The following CDC42EP2 variants were observed in gnomAD, a reference collection of about 807,000 sequenced individuals.
CDC42EP2 encodes CDC42 effector protein 2, also known as CDC42 effector protein (Rho GTPase binding) 2.
Under a neutral mutation model 7.3 loss-of-function variants are expected in CDC42EP2, and 5 were observed. The observed-to-expected ratio is 0.68, with a 90% CI of 0.36 to 1.44. The LOEUF (loss-of-function observed/expected upper bound fraction) is 1.44, where lower values mean the gene tolerates loss of function less well. CDC42EP2 is among the 40% of genes most tolerant of loss of function. The pLI, the probability that CDC42EP2 is intolerant of heterozygous loss-of-function variation, is 0.04. For synonymous variants in CDC42EP2, 113 were observed against 123.6 expected (o/e 0.91, Z 0.57); for missense variants, 251 against 282.6 (o/e 0.89, Z 0.80).
In CDC42EP2 at chr11:65,315,515, G is replaced by C. The variant is rs2137651774; in HGVS notation, c.-356+561G>C. Among the ~76,000 whole-genome samples, 1 of 152,362 alleles carries C rather than the reference G, an allele frequency of 6.6e-6. No individual in the cohort carries two copies. The highest frequency in any genetic ancestry group is 2.1e-4 in the South Asian group (1 of 4,830). ...CCAGGCCGGAAAGCACAGGGGGGAG[G>C]CTCCTCCCAGAGCTTGGAGACTAGG... On this transcript the variant is annotated intron_variant, in intron 1 of 1. Coordinates refer to ENST00000279249, the MANE Select transcript of CDC42EP2 (RefSeq NM_006779.4). This position sits in a 1 kb window ranked among gnomAD's most constrained non-coding sequence, Gnocchi z 4.1.
rs565029628 is a variant in CDC42EP2 at position 65,320,939 on chromosome 11, G to T, written c.41G>T (p.Arg14Leu). The change falls in exon 2 of 2, where the codon CGC becomes CTC. Residue 14 changes from arginine (R) to leucine (L), a missense_variant. Physicochemically the swap from Arg to Leu is moderately radical, Grantham distance 102. Transcript: ENST00000279249. The part of the protein sequence containing the change: ...KVPIYLKRGS[R>L]KGKKEKLRDL... The stretch of plus-strand genomic sequence containing the variant: ...CCCATCTATCTGAAGCGTGGCAGTC[G>T]CAAGGGCAAGAAGGAGAAGCTTCGG... 19 of 1,609,626 alleles carry T rather than the reference G, an allele frequency of 1.2e-5. No homozygotes were observed. The highest frequency in any genetic ancestry group is 7.7e-6 in the Non-Finnish European group (9 of 1,176,448).
chr11:65,318,812 C>T (rs749745673), intron 1 of CDC42EP2, among the ~76,000 whole-genome samples: 4 of 149,538 alleles, frequency 2.7e-5, no homozygotes, highest in African/African-American at 5.0e-5. Flanking sequence ...TCAGGTGATC[C>T]GCCCACCTCG....
chr11:65,318,797 T>G (rs1949960050), intron 1 of CDC42EP2, among the ~76,000 whole-genome samples: 1 of 146,330 alleles, frequency 6.8e-6, no homozygotes, highest in African/African-American at 2.5e-5. Context: ...CTCGAACTCC[T>G]GATCTCAGGT....
intron 1 of CDC42EP2, among the ~76,000 whole-genome samples, chr11:65,316,365 T>C (rs1336101306): frequency 6.6e-6 from 1 of 152,100 alleles, no homozygotes; most frequent in African/African-American, 2.4e-5. Flanking sequence ...CCCACAGCCC[T>C]GTCCTGATGG....
chr11:65,315,584 G>A lies in CDC42EP2; in HGVS notation c.-356+630G>A, dbSNP rs993470564. ...CCCTTTTTCCCCGATTGTGGGACCAGAAACCCCGAAGCAAAAAGATCTCGC... is the reference window on the plus strand; with the variant it reads ...CCCTTTTTCCCCGATTGTGGGACCAAAAACCCCGAAGCAAAAAGATCTCGC... On this transcript the variant is annotated intron_variant, in intron 1 of 1. Coordinates refer to ENST00000279249, the MANE Select transcript of CDC42EP2 (RefSeq NM_006779.4). The surrounding 1 kb of genome is among the most constrained non-coding windows in gnomAD (Gnocchi z 4.1). Among the ~76,000 whole-genome samples, 3 of 152,258 alleles carry A rather than the reference G, an allele frequency of 2.0e-5. No homozygotes were observed. Among genetic ancestry groups the A allele is most frequent in the Non-Finnish European group, 4.4e-5 (3 of 68,038 alleles).
rs1007091858 is a variant in CDC42EP2, at chr11:65,321,317, C to G, written c.419C>G (p.Pro140Arg). 7 of 1,613,900 alleles carry G rather than the reference C, an allele frequency of 4.3e-6. No homozygotes were observed. The African/African-American group carries it at 8.0e-5, about 18-fold the overall frequency. The change falls in exon 2 of 2, where the codon CCT (proline) becomes CGT (arginine). Residue 140 changes from proline (P) to arginine (R), a missense_variant. Coordinates refer to ENST00000279249, the MANE Select transcript of CDC42EP2 (RefSeq NM_006779.4). The surrounding 1 kb of genome is among the most constrained non-coding windows in gnomAD (Gnocchi z 4.4). ...PPRLHLETPQ[P>R]SPQEGGSVDI... Reference sequence around the variant, plus strand: ...CGCCTGCACCTGGAGACCCCTCAGCCTTCCCCACAGGAGGGAGGGAGTGTG... The same window carrying G: ...CGCCTGCACCTGGAGACCCCTCAGCGTTCCCCACAGGAGGGAGGGAGTGTG...
At position 65,320,769 on chromosome 11, in the gene CDC42EP2, C is replaced by G. The variant is rs1258482855; in HGVS notation, c.-130C>G. 1.1e-6 allele frequency: 1 copy of G among 903,124 alleles called. No individual in the cohort carries two copies. The allele number at this position is 903,124 out of a possible 1,614,324, so 55.9% of individuals were successfully genotyped here. Reference sequence around the variant, plus strand: ...TGCCCCCACACTGTAGCCAGAAGCCCGTTGGCGAGCTCTGGCACCTGCAAA... The same window carrying G: ...TGCCCCCACACTGTAGCCAGAAGCCGGTTGGCGAGCTCTGGCACCTGCAAA... On this transcript the variant is annotated 5_prime_UTR_variant, in exon 2 of 2. Coordinates refer to ENST00000279249, the MANE Select transcript of CDC42EP2 (RefSeq NM_006779.4).
chr11:65,321,487 CA>C lies in CDC42EP2; in HGVS notation c.590del (p.Gln197ArgfsTer55). ...GCCTTCCATCCTGGATGATGTCCTG[CA>C]GATCATGGATCAGGACCTGGACAGC... ...LGPSILDDVL[Q>X]IMDQDLDSMQ... On this transcript the variant is annotated frameshift_variant, in exon 2 of 2. Transcript: ENST00000279249. LOFTEE classifies it high-confidence loss of function. This position sits in a 1 kb window ranked among gnomAD's most constrained non-coding sequence, Gnocchi z 4.4. 6.2e-7 allele frequency: 1 copy of C among 1,613,546 alleles called. No homozygotes were observed. Among genetic ancestry groups the C allele is most frequent in the Non-Finnish European group, 8.5e-7 (1 of 1,179,894 alleles).
chr11:65,316,084 A>G (rs1949946747), intron 1 of CDC42EP2, among the ~76,000 whole-genome samples: 1 of 152,078 alleles, frequency 6.6e-6, no homozygotes, highest in Non-Finnish European at 1.5e-5. Context: ...AGCCCATTTT[A>G]TAGATGGGAA....
rs774202603 is a variant in CDC42EP2, at chr11:65,321,083, T to G, written c.185T>G (p.Phe62Cys). 6.2e-7 allele frequency: 1 copy of G among 1,613,988 alleles called. No homozygotes were observed. Among genetic ancestry groups the G allele is most frequent in the Non-Finnish European group, 8.5e-7 (1 of 1,180,008 alleles). Residue 62 changes from phenylalanine (F) to cysteine (C), a missense_variant, in exon 2 of 2, where the codon TTC becomes TGC. Phe to Cys is a radical substitution (Grantham distance 205). Coordinates refer to ENST00000279249, the MANE Select transcript of CDC42EP2 (RefSeq NM_006779.4). This position sits in a 1 kb window ranked among gnomAD's most constrained non-coding sequence, Gnocchi z 4.4. ...GACATCTCCTTCCTGCAGGGCAAGTTCCACCTCCTGCCGGGGACCATGGTG... is the reference window on the plus strand; with the variant it reads ...GACATCTCCTTCCTGCAGGGCAAGTGCCACCTCCTGCCGGGGACCATGGTG... Reference protein sequence around the residue: ...FGDISFLQGKFHLLPGTMVEG... With the variant: ...FGDISFLQGKCHLLPGTMVEG...
intron 1 of CDC42EP2, among the ~76,000 whole-genome samples, chr11:65,318,104 T>A (rs1450635752): frequency 2.0e-5 from 3 of 152,024 alleles, no homozygotes; most frequent in Non-Finnish European, 2.9e-5. Context: ...TAATTTTTTT[T>A]ATTTTTTTTG....
chr11:65,316,799 T>C (rs1949950166), intron 1 of CDC42EP2, among the ~76,000 whole-genome samples: 1 of 152,202 alleles, frequency 6.6e-6, no homozygotes, highest in African/African-American at 2.4e-5. Context: ...GGGCCGCTGA[T>C]GCTGGCCTCA....
chr11:65,322,220 C>G lies in CDC42EP2; in HGVS notation c.*689C>G, dbSNP rs574760009. 1 of 166,980 alleles carries G rather than the reference C, an allele frequency of 6.0e-6. No homozygotes were observed. Among genetic ancestry groups the G allele is most frequent in the Non-Finnish European group, 1.5e-5 (1 of 68,152 alleles). 10.3% of individuals were successfully genotyped at this position (166,980 alleles called of 1,614,324 possible). A position where few individuals can be genotyped will look rare whatever the true frequency, so the allele number is the denominator to read the frequency against. On this transcript the variant is annotated 3_prime_UTR_variant, in exon 2 of 2. Coordinates refer to ENST00000279249, the MANE Select transcript of CDC42EP2 (RefSeq NM_006779.4). Reference sequence around the variant, plus strand: ...GGAGGACAGGCCTTGCCCTCAAGAACGTCGTACCTGACGCTGAGCCTGTCA... The same window carrying G: ...GGAGGACAGGCCTTGCCCTCAAGAAGGTCGTACCTGACGCTGAGCCTGTCA...
At chr11:65,320,194 C>T (rs1403692469) in intron 1 of CDC42EP2, among the ~76,000 whole-genome samples, 4 of 152,108 alleles carry the variant, frequency 2.6e-5, no homozygotes, top group African/African-American at 7.2e-5. Context: ...TGGCCAGGCA[C>T]GGTGGCTCAC....
intron 1 of CDC42EP2, among the ~76,000 whole-genome samples, chr11:65,318,033 G>C (rs1299099611): frequency 6.6e-6 from 1 of 150,926 alleles, no homozygotes; most frequent in East Asian, 1.9e-4. Context: ...AGTCAAGGTA[G>C]CCCATATGAC....
chr11:65,321,213 G>C lies in CDC42EP2; in HGVS notation c.315G>C (p.Lys105Asn). The C allele has an allele frequency of 6.2e-7, 1 of 1,613,944 alleles. No homozygotes were observed. The highest frequency in any genetic ancestry group is 2.2e-5 in the East Asian group (1 of 44,872). The change falls in exon 2 of 2, where the codon AAG (lysine) becomes AAC (asparagine). Residue 105 changes from lysine (K) to asparagine (N), a missense_variant. Lys to Asn is a moderately conservative substitution (Grantham distance 94). Coordinates refer to ENST00000279249, the MANE Select transcript of CDC42EP2 (RefSeq NM_006779.4). The surrounding 1 kb of genome is among the most constrained non-coding windows in gnomAD (Gnocchi z 4.4). Reference sequence around the variant, plus strand: ...CGGACGGCCCATCCCCTCTGCTCAAGAACGCCATCTCCCTCCCGGTTATCG... The same window carrying C: ...CGGACGGCCCATCCCCTCTGCTCAACAACGCCATCTCCCTCCCGGTTATCG... The part of the protein sequence containing the change: ...ELPDGPSPLL[K>N]NAISLPVIGG...
At chr11:65,316,992 G>C (rs1481700254) in intron 1 of CDC42EP2, 1 of 152,268 alleles carries the variant, frequency 6.6e-6, no homozygotes, top group African/African-American at 2.4e-5. Context: ...TCAGCCCCAC[G>C]CTCCATGAGT....
At chr11:65,316,532 G>A (rs1949948615) in intron 1 of CDC42EP2, among the ~76,000 whole-genome samples, 4 of 152,120 alleles carry the variant, frequency 2.6e-5, no homozygotes, top group African/African-American at 9.7e-5. Flanking sequence ...GGAAGTAGGC[G>A]TGGCCCACTG....
In CDC42EP2 at chr11:65,321,604, G is replaced by A. The variant is rs556560363; in HGVS notation, c.*73G>A. 1.6e-5 allele frequency: 22 copies of A among 1,411,636 alleles called. No individual in the cohort carries two copies. The East Asian group carries it at 3.0e-4, about 19-fold the overall frequency. The allele number at this position is 1,411,636 out of a possible 1,614,324, so 87.4% of individuals were successfully genotyped here. ...GGTGGGGTGTGGACCCGGCCCTGGC[G>A]GCGGAGTCAGGGTCCCAAGATCCCA... On this transcript the variant is annotated 3_prime_UTR_variant, in exon 2 of 2. Transcript: ENST00000279249. The surrounding 1 kb of genome is among the most constrained non-coding windows in gnomAD (Gnocchi z 4.4).
Sources: gnomAD v4.1 joint callset for allele counts (sites outside exome capture counted in the v4.1 genomes callset) on GRCh38, gnomAD v4.1.1 for gene constraint, Gnocchi (gnomAD v3.1) non-coding constraint, MANE v1.5 for transcripts, NCBI Gene and HGNC (gene_info 2026-07-23, HGNC 2026-07-21) for gene names.